GSG1L: variants seen among roughly 807,000 people sequenced by gnomAD.
The protein encoded by GSG1L is GSG1 like.
In GSG1L, 24 loss-of-function variants were observed where a neutral mutation model predicts 42.1. The ratio of observed to expected loss-of-function variants is 0.57; its 90% confidence interval spans 0.41 to 0.80. GSG1L has a LOEUF of 0.80. Among genes scored for constraint, GSG1L ranks in the 30% least tolerant of loss-of-function variants. GSG1L has a pLI of 0.00. For missense variants in GSG1L, 445 were observed against 472.2 expected (o/e 0.94, Z 0.53); for synonymous variants, 215 against 203.5 (o/e 1.06, Z -0.48).
chr16:28,004,846 CA>C (rs1379580947), intron 1 of GSG1L, among the ~76,000 whole-genome samples: 2 of 151,732 alleles, frequency 1.3e-5, no homozygotes, highest in Non-Finnish European at 2.9e-5. Context: ...ACAAAGAGAC[CA>C]AAATGGAGAG....
intron 1 of GSG1L, among the ~76,000 whole-genome samples, chr16:28,014,039 G>A (rs573157200): frequency 6.6e-6 from 1 of 152,336 alleles, no homozygotes; most frequent in East Asian, 1.9e-4. Context: ...CGACCTAAGA[G>A]AGAAACAGCT....
At chr16:27,927,234 C>T (rs1286114502) in intron 2 of GSG1L, among the ~76,000 whole-genome samples, 1 of 152,096 alleles carries the variant, frequency 6.6e-6, no homozygotes, top group African/African-American at 2.4e-5. Context: ...ACTGCAGCCT[C>T]GACTTCCCAG....
intron 5 of GSG1L, among the ~76,000 whole-genome samples, chr16:27,828,381 A>C (rs948911473): frequency 6.6e-6 from 1 of 152,228 alleles, no homozygotes; most frequent in African/African-American, 2.4e-5. Context: ...AACATTGAGA[A>C]GCCATCCTCC....
chr16:27,951,452 A>G (rs1431802414), intron 2 of GSG1L, among the ~76,000 whole-genome samples: 2 of 152,178 alleles, frequency 1.3e-5, no homozygotes, highest in Non-Finnish European at 2.9e-5. Flanking sequence ...ACCAGGAGGT[A>G]CCCAGTCCCT....
chr16:27,919,094 C>G (rs1297208457), intron 2 of GSG1L, among the ~76,000 whole-genome samples: 1 of 152,136 alleles, frequency 6.6e-6, no homozygotes, highest in Non-Finnish European at 1.5e-5. Flanking sequence ...CCATCATGAG[C>G]CACAGTAGAA....
At chr16:27,798,138 C>G (rs1398095999) in intron 6 of GSG1L, among the ~76,000 whole-genome samples, 1 of 152,098 alleles carries the variant, frequency 6.6e-6, no homozygotes, top group African/African-American at 2.4e-5. Context: ...TGCAATACAT[C>G]CATGTAACAA....
At chr16:27,955,890 A>G (rs1433000856) in intron 2 of GSG1L, among the ~76,000 whole-genome samples, 1 of 130,916 alleles carries the variant, frequency 7.6e-6, no homozygotes, top group African/African-American at 3.3e-5. Context: ...AAGAGGAAGG[A>G]AGGAAGGAAG....
intron 1 of GSG1L, among the ~76,000 whole-genome samples, chr16:28,016,277 C>T (rs2085779245): frequency 6.6e-6 from 1 of 152,318 alleles, no homozygotes; most frequent in Middle Eastern, 3.4e-3. Flanking sequence ...GCATGAGCCA[C>T]ACTGCACCTG....
intron 1 of GSG1L, among the ~76,000 whole-genome samples, chr16:27,979,743 AAGAAAG>A: frequency 2.4e-5 from 2 of 83,240 alleles, no homozygotes; most frequent in African/African-American, 8.9e-5. Context: ...AAAAGAAAGA[AAGAAAG>A]GAAAGAAAGA....
chr16:27,827,267 C>A (rs1180085463), intron 5 of GSG1L, among the ~76,000 whole-genome samples: 4 of 152,186 alleles, frequency 2.6e-5, no homozygotes, highest in Non-Finnish European at 5.9e-5. Context: ...AGACTGGGAG[C>A]ATAGGGACCC....
chr16:27,789,223 AGAT>A lies in GSG1L; in HGVS notation c.*2144_*2146del, dbSNP rs1390566414. On this transcript the variant is annotated 3_prime_UTR_variant, in exon 7 of 7. Transcript: ENST00000447459. ...ATAGGTGTAAGGATAATGGATGGAT[AGAT>A]GATGAATAGATGAAGAAATGGATAA... 2.0e-5 allele frequency: 3 copies of A among 152,108 alleles called. No individual in the cohort carries two copies. The highest frequency in any genetic ancestry group is 4.8e-5 in the African/African-American group (2 of 41,404). The allele number at this position is 152,108 out of a possible 1,614,324, so 9.4% of individuals were successfully genotyped here. A position where few individuals can be genotyped will look rare whatever the true frequency, so the allele number is the denominator to read the frequency against.
intron 1 of GSG1L, among the ~76,000 whole-genome samples, chr16:28,061,470 A>G (rs2086340255): frequency 6.6e-6 from 1 of 152,168 alleles, no homozygotes; most frequent in Non-Finnish European, 1.5e-5. Context: ...AAGTTTGGTC[A>G]GCCACCCCCA....
rs148416325 is a variant in GSG1L at position 27,835,257 on chromosome 16, G to A, written c.663-6301C>T. On this transcript the variant is annotated intron_variant, in intron 4 of 6. Transcript: ENST00000447459. The stretch of plus-strand genomic sequence containing the variant: ...ATTGACTCTTTTATCACTATTTAAT[G>A]TCTATTTCTGGTTATTTTATTTGCC... 4.6e-5 allele frequency among the ~76,000 whole-genome samples: 7 copies of A among 152,156 alleles called. No individual in the cohort carries two copies. The East Asian group carries it at 9.7e-4, about 21-fold the overall frequency.
chr16:27,920,495 C>G (rs183680992), intron 2 of GSG1L, among the ~76,000 whole-genome samples: 1 of 152,214 alleles, frequency 6.6e-6, no homozygotes, highest in Non-Finnish European at 1.5e-5. Context: ...CTGCACAGCC[C>G]TCTCTCTTTT....
At chr16:27,826,606 T>C (rs998130910) in intron 5 of GSG1L, among the ~76,000 whole-genome samples, 2 of 152,076 alleles carry the variant, frequency 1.3e-5, no homozygotes, top group African/African-American at 4.8e-5. Context: ...GAGGATGTGA[T>C]AAAGGCTGAT....
chr16:27,788,080 C>G lies in GSG1L; in HGVS notation c.*3290G>C, dbSNP rs1232875199. The G allele has an allele frequency of 6.6e-6, 1 of 152,206 alleles. No individual in the cohort carries two copies. The highest frequency in any genetic ancestry group is 1.5e-5 in the Non-Finnish European group (1 of 68,042). The allele number at this position is 152,206 out of a possible 1,614,324, so 9.4% of individuals were successfully genotyped here. A position where few individuals can be genotyped will look rare whatever the true frequency, so the allele number is the denominator to read the frequency against. ...TGCGTGAATGAATGAGCACAAACCT[C>G]CAGCTGGCTGTCCCCTGAGCCCCTG... On this transcript the variant is annotated 3_prime_UTR_variant, in exon 7 of 7. Transcript: ENST00000447459.
At chr16:27,920,120 T>C (rs1391469961) in intron 2 of GSG1L, among the ~76,000 whole-genome samples, 1 of 152,222 alleles carries the variant, frequency 6.6e-6, no homozygotes, top group Non-Finnish European at 1.5e-5. Context: ...AATCTTCAAT[T>C]GTCATATTTT....
chr16:28,012,634 C>G (rs572597980), intron 1 of GSG1L, among the ~76,000 whole-genome samples: 1 of 152,036 alleles, frequency 6.6e-6, no homozygotes, highest in East Asian at 1.9e-4. Context: ...GCCTGTAATC[C>G]CAGTGCTTTG....
chr16:27,950,974 G>A (rs1207328660), intron 2 of GSG1L, among the ~76,000 whole-genome samples: 2 of 152,096 alleles, frequency 1.3e-5, no homozygotes, highest in African/African-American at 4.8e-5. Flanking sequence ...CCCCTCATCT[G>A]CCTTCCCACT....
Sources: gnomAD v4.1 joint callset for allele counts (sites outside exome capture counted in the v4.1 genomes callset) on GRCh38, gnomAD v4.1.1 for gene constraint, MANE v1.5 for transcripts, NCBI Gene and HGNC (gene_info 2026-07-23, HGNC 2026-07-21) for gene names.